The following CLSTN2 variants were observed in gnomAD, a reference collection of about 807,000 sequenced individuals.
CLSTN2 encodes the protein calsyntenin-2.
CLSTN2 carries 48 observed loss-of-function variants against 101.2 expected under a neutral mutation model. The observed-to-expected ratio is 0.47, with a 90% CI of 0.38 to 0.60. The LOEUF is 0.60. CLSTN2 is among the 20% of genes least tolerant of loss of function. The pLI is 0.00. For missense variants in CLSTN2, 1,160 were observed against 1,238.2 expected (o/e 0.94, Z 0.95); for synonymous variants, 481 against 463.6 (o/e 1.04, Z -0.48).
chr3:139,986,080 C>T (rs1339326290), intron 1 of CLSTN2, among the ~76,000 whole-genome samples: 1 of 152,118 alleles, frequency 6.6e-6, no homozygotes, highest in Non-Finnish European at 1.5e-5. Flanking sequence ...TTTAGCATCT[C>T]TTTCTCAAGT....
chr3:140,044,603 G>A (rs2007831145), intron 1 of CLSTN2, among the ~76,000 whole-genome samples: 2 of 152,168 alleles, frequency 1.3e-5, no homozygotes, highest in African/African-American at 2.4e-5. Context: ...TCCCTGTCTT[G>A]TGGCAGTTTT....
chr3:140,282,035 G>A (rs2086852331), intron 2 of CLSTN2, among the ~76,000 whole-genome samples: 1 of 152,284 alleles, frequency 6.6e-6, no homozygotes, highest in Admixed American at 6.5e-5. Context: ...AAAACTGTAT[G>A]TGTTTGTGTG....
chr3:140,130,248 C>T (rs1306910480), intron 1 of CLSTN2, among the ~76,000 whole-genome samples: 1 of 152,122 alleles, frequency 6.6e-6, no homozygotes, highest in Non-Finnish European at 1.5e-5. Flanking sequence ...GCCTCCTTTG[C>T]CTTGTGGGAA....
At position 140,459,503 on chromosome 3, in the gene CLSTN2, T is replaced by C; in HGVS notation, c.974-18T>C. 2 of 1,612,556 alleles carry C rather than the reference T, an allele frequency of 1.2e-6. No homozygotes were observed. The highest frequency in any genetic ancestry group is 1.7e-6 in the Non-Finnish European group (2 of 1,178,780). On this transcript the variant is annotated intron_variant, in intron 6 of 16. Coordinates refer to ENST00000458420, the MANE Select transcript of CLSTN2 (RefSeq NM_022131.3). ...CCGCATCATGACCTGTTATCCTTTC[T>C]TTCCTGACCCTCTGCAGGAGCCTCC...
At chr3:139,984,930 T>C (rs1482835060) in intron 1 of CLSTN2, among the ~76,000 whole-genome samples, 1 of 152,212 alleles carries the variant, frequency 6.6e-6, no homozygotes, top group African/African-American at 2.4e-5. Flanking sequence ...TTTGTATCTA[T>C]ACCACAGCTG....
intron 3 of CLSTN2, among the ~76,000 whole-genome samples, chr3:140,404,322 A>G (rs575656262): frequency 6.6e-6 from 1 of 152,360 alleles, no homozygotes; most frequent in South Asian, 2.1e-4. Flanking sequence ...AAGCTGGTGC[A>G]GAGGGAAGGG....
chr3:140,486,163 G>C (rs1467430326), intron 8 of CLSTN2, among the ~76,000 whole-genome samples: 1 of 152,044 alleles, frequency 6.6e-6, no homozygotes, highest in African/African-American at 2.4e-5. Context: ...CAATGTGTAT[G>C]ACAAACAACA....
intron 2 of CLSTN2, among the ~76,000 whole-genome samples, chr3:140,203,477 T>TG (rs1484431338): frequency 1.4e-5 from 2 of 146,360 alleles, no homozygotes; most frequent in African/African-American, 2.5e-5. Flanking sequence ...TTTTTTTTTT[T>TG]TTTTTTTTTT....
At chr3:140,038,855 A>C (rs2007709609) in intron 1 of CLSTN2, among the ~76,000 whole-genome samples, 1 of 152,192 alleles carries the variant, frequency 6.6e-6, no homozygotes. Context: ...TCAAACTATA[A>C]GAAATTGTCT....
In CLSTN2 at chr3:140,558,982, C is replaced by T. The variant is rs143785693; in HGVS notation, c.2041+125C>T. 86 of 691,868 alleles carry T rather than the reference C, an allele frequency of 1.2e-4. No homozygotes were observed. The East Asian group carries it at 1.7e-3, about 13-fold the overall frequency. 42.9% of individuals were successfully genotyped at this position (691,868 alleles called of 1,614,324 possible). ...CATGGCTTAAATGTATACATGGCAG[C>T]GTAATGTATTATAGCAAAACAGACA... On this transcript the variant is annotated intron_variant, in intron 12 of 16. Coordinates refer to ENST00000458420, the MANE Select transcript of CLSTN2 (RefSeq NM_022131.3).
At chr3:140,490,115 T>C (rs1235796985) in intron 8 of CLSTN2, among the ~76,000 whole-genome samples, 2 of 7,748 alleles carry the variant, frequency 2.6e-4, no homozygotes, top group African/African-American at 1.3e-3. Context: ...TATATATATA[T>C]ATACACACAC....
intron 2 of CLSTN2, among the ~76,000 whole-genome samples, chr3:140,294,949 A>G (rs2086988970): frequency 1.3e-5 from 2 of 152,124 alleles, no homozygotes; most frequent in African/African-American, 4.8e-5. Flanking sequence ...TTCCATTCAC[A>G]ACGGTTTTGT....
chr3:140,468,685 C>T (rs1047078612), intron 8 of CLSTN2, among the ~76,000 whole-genome samples: 4 of 152,174 alleles, frequency 2.6e-5, no homozygotes, highest in African/African-American at 7.2e-5. Context: ...CACAGCAAAC[C>T]GTGGGTAGGA....
chr3:140,463,416 C>T (rs1243833602), intron 7 of CLSTN2, among the ~76,000 whole-genome samples: 1 of 152,076 alleles, frequency 6.6e-6, no homozygotes, highest in Non-Finnish European at 1.5e-5. Context: ...AGGATGGTCC[C>T]CCTGCCTGCT....
chr3:140,395,175 TTAAAA>T (rs955986915), intron 2 of CLSTN2, among the ~76,000 whole-genome samples: 2 of 152,216 alleles, frequency 1.3e-5, no homozygotes, highest in Non-Finnish European at 2.9e-5. Context: ...AAAATGACTT[TTAAAA>T]TAAAATAATA....
intron 1 of CLSTN2, among the ~76,000 whole-genome samples, chr3:140,057,544 C>T (rs778686534): frequency 2.0e-5 from 3 of 152,088 alleles, no homozygotes; most frequent in Non-Finnish European, 2.9e-5. Flanking sequence ...GATTTTCCTG[C>T]ATAGTATTTC....
At chr3:140,044,455 T>C (rs2107765235) in intron 1 of CLSTN2, among the ~76,000 whole-genome samples, 1 of 152,346 alleles carries the variant, frequency 6.6e-6, no homozygotes, top group Middle Eastern at 3.4e-3. Context: ...TTTCTAGATA[T>C]ACAATCATGT....
chr3:140,339,855 A>T (rs757469384), intron 2 of CLSTN2, among the ~76,000 whole-genome samples: 2 of 152,240 alleles, frequency 1.3e-5, no homozygotes, highest in Non-Finnish European at 2.9e-5. Context: ...AGGTTGACTT[A>T]GTCCAAGCAA....
chr3:140,180,798 G>A (rs973284535), intron 2 of CLSTN2, among the ~76,000 whole-genome samples: 13 of 152,296 alleles, frequency 8.5e-5, no homozygotes, highest in African/African-American at 1.9e-4. Context: ...TGCCTGGGAC[G>A]TGATTTGGCC....
Sources: allele counts gnomAD v4.1 joint callset (sites outside exome capture counted in the v4.1 genomes callset), GRCh38; gene constraint gnomAD v4.1.1; transcripts MANE v1.5; gene names NCBI Gene and HGNC (gene_info 2026-07-23, HGNC 2026-07-21).